Variants in MEOX2 observed in about 807,000 individuals in gnomAD.
MEOX2 encodes mesenchyme homeobox 2.
MEOX2 carries 11 observed loss-of-function variants against 27.0 expected under a neutral mutation model. The observed-to-expected ratio is 0.41, with a 90% confidence interval of 0.26 to 0.68. The LOEUF (loss-of-function observed/expected upper bound fraction) is 0.68, where lower values mean the gene tolerates loss of function less well. Among genes scored for constraint, MEOX2 ranks in the 30% least tolerant of loss-of-function variants. MEOX2 has a pLI of 0.33. For synonymous variants in MEOX2, 189 were observed against 155.4 expected, an observed-to-expected ratio of 1.22 and a Z score of -1.61; for missense variants, 436 against 385.4, an observed-to-expected ratio of 1.13 and a Z score of -1.10.
chr7:15,614,391 G>A (rs1199313652), intron 2 of MEOX2, among the ~76,000 whole-genome samples: 1 of 149,848 alleles, frequency 6.7e-6, no homozygotes, highest in African/African-American at 2.5e-5. Context: ...TCCAGCCTGG[G>A]CAACAGAGCA....
chr7:15,623,181 C>A (rs1271639794), intron 2 of MEOX2, among the ~76,000 whole-genome samples: 1 of 152,196 alleles, frequency 6.6e-6, no homozygotes, highest in Non-Finnish European at 1.5e-5. Context: ...AAAACCCCAA[C>A]CTCCAGAAAA....
At chr7:15,663,567 C>G (rs2115385425) in intron 1 of MEOX2, among the ~76,000 whole-genome samples, 1 of 152,136 alleles carries the variant, frequency 6.6e-6, no homozygotes, top group East Asian at 1.9e-4. Flanking sequence ...TCTCGAACTC[C>G]TGACCTCGTG....
intron 2 of MEOX2, among the ~76,000 whole-genome samples, chr7:15,615,329 G>A (rs1012498150): frequency 2.0e-5 from 3 of 151,880 alleles, no homozygotes; most frequent in Admixed American, 1.3e-4. Context: ...GAGGGCTGGG[G>A]TTTGTTTGAT....
intron 1 of MEOX2, among the ~76,000 whole-genome samples, chr7:15,657,472 T>C (rs1388531256): frequency 6.6e-6 from 1 of 152,192 alleles, no homozygotes; most frequent in Non-Finnish European, 1.5e-5. Context: ...CATCCTGCTA[T>C]TAAGCTCATC....
chr7:15,657,986 C>G (rs1270711652), intron 1 of MEOX2, among the ~76,000 whole-genome samples: 2 of 152,194 alleles, frequency 1.3e-5, no homozygotes, highest in South Asian at 2.1e-4. Context: ...TTCCTGATTA[C>G]TGCCAGCTGG....
chr7:15,678,012 T>C (rs532739366), intron 1 of MEOX2, among the ~76,000 whole-genome samples: 1 of 152,290 alleles, frequency 6.6e-6, no homozygotes, highest in Non-Finnish European at 1.5e-5. Context: ...TCCCTGAATT[T>C]TGAGTGTGGA....
intron 1 of MEOX2, among the ~76,000 whole-genome samples, chr7:15,645,013 A>G (rs1027512347): frequency 2.6e-5 from 4 of 152,214 alleles, no homozygotes; most frequent in African/African-American, 7.2e-5. Flanking sequence ...AGAAGCTGTC[A>G]TAAAATAATA....
At position 15,612,568 on chromosome 7, in the gene MEOX2, A is replaced by T. The variant is rs745972052; in HGVS notation, c.734T>A (p.Val245Glu). The T allele has an allele frequency of 1.2e-6, 2 of 1,613,896 alleles. No homozygotes were observed. The highest frequency in any genetic ancestry group is 1.7e-5 in the Admixed American group (1 of 59,972). Residue 245 changes from valine to glutamate, a missense_variant, in exon 3 of 3, where the codon GTA becomes GAA. Physicochemically the swap from Val to Glu is moderately radical, Grantham distance 121. Coordinates refer to ENST00000262041, the MANE Select transcript of MEOX2 (RefSeq NM_005924.5). ...FQNRRMKWKRVKGGQQGAAAR... is the reference protein window; with the variant it reads ...FQNRRMKWKREKGGQQGAAAR... ...CGCAGCTCCTTGCTGTCCACCCTTT[A>T]CCCTCTTCCACTTCATCCGCCTGTT...
intron 1 of MEOX2, among the ~76,000 whole-genome samples, chr7:15,671,830 G>C (rs1353721017): frequency 6.6e-6 from 1 of 152,136 alleles, no homozygotes; most frequent in East Asian, 1.9e-4. Flanking sequence ...ACCACGAAGT[G>C]CTTATCACTT....
chr7:15,675,525 C>T (rs534531205), intron 1 of MEOX2, among the ~76,000 whole-genome samples: 99 of 152,292 alleles, frequency 6.5e-4, no homozygotes, highest in Non-Finnish European at 1.3e-3. Flanking sequence ...TTTAAGGGCA[C>T]TAGGCTGAAG....
chr7:15,618,012 A>G (rs1315258617), intron 2 of MEOX2, among the ~76,000 whole-genome samples: 1 of 152,108 alleles, frequency 6.6e-6, no homozygotes, highest in Non-Finnish European at 1.5e-5. Context: ...TGAATCTCAC[A>G]GGCACAATTA....
At chr7:15,676,984 A>G (rs1262624153) in intron 1 of MEOX2, among the ~76,000 whole-genome samples, 1 of 152,200 alleles carries the variant, frequency 6.6e-6, no homozygotes, top group East Asian at 1.9e-4. Context: ...AGGTCCAAGT[A>G]AAAGAGGCTG....
intron 1 of MEOX2, among the ~76,000 whole-genome samples, chr7:15,629,010 A>ACAATGG (rs1467587884): frequency 1.3e-5 from 2 of 151,988 alleles, no homozygotes; most frequent in Non-Finnish European, 2.9e-5. Flanking sequence ...TTATGTGGAG[A>ACAATGG]CAATGCTCTT....
intron 1 of MEOX2, among the ~76,000 whole-genome samples, chr7:15,647,791 G>A (rs1049052297): frequency 6.6e-6 from 1 of 151,996 alleles, no homozygotes; most frequent in African/African-American, 2.4e-5. Context: ...TAAAAGAGTA[G>A]GACTTTTAAA....
chr7:15,681,080 A>G (rs1272004853), intron 1 of MEOX2: 10 of 151,772 alleles, frequency 6.6e-5, no homozygotes, highest in Admixed American at 6.6e-4. Context: ...ACAACTATTA[A>G]TTCAACAGAT....
chr7:15,623,997 G>A (rs1298054466), intron 2 of MEOX2, among the ~76,000 whole-genome samples: 1 of 152,144 alleles, frequency 6.6e-6, no homozygotes, highest in African/African-American at 2.4e-5. Context: ...TGATAATTCT[G>A]TTTTATAGTT....
intron 2 of MEOX2, among the ~76,000 whole-genome samples, chr7:15,618,681 T>G (rs12216674): frequency 0.67 from 101,999 of 151,558 alleles, 34,548 homozygotes; most frequent in East Asian, 0.81. Context: ...TATTCTGATT[T>G]TTATTAATAT....
intron 2 of MEOX2, among the ~76,000 whole-genome samples, chr7:15,623,651 G>T (rs143218029): frequency 6.6e-6 from 1 of 152,148 alleles, no homozygotes; most frequent in Non-Finnish European, 1.5e-5. Context: ...ACAAGTACAG[G>T]CTTGAGCTAC....
chr7:15,669,359 G>C (rs1388081361), intron 1 of MEOX2, among the ~76,000 whole-genome samples: 1 of 152,196 alleles, frequency 6.6e-6, no homozygotes, highest in East Asian at 1.9e-4. Flanking sequence ...GTGTTTCTAA[G>C]ATATCCTGAT....
Sources: allele counts gnomAD v4.1 joint callset (sites outside exome capture counted in the v4.1 genomes callset), GRCh38; gene constraint gnomAD v4.1.1; transcripts MANE v1.5; gene names NCBI Gene and HGNC (gene_info 2026-07-23, HGNC 2026-07-21).